Variants in ITFG1 observed in about 807,000 individuals in gnomAD.
The protein encoded by ITFG1 is T-cell immunomodulatory protein.
ITFG1 carries 34 observed loss-of-function variants against 81.8 expected under a neutral mutation model. The ratio of observed to expected loss-of-function variants is 0.42; its 90% CI spans 0.32 to 0.55. The LOEUF is 0.55. ITFG1 is among the 20% of genes least tolerant of loss of function. The pLI is 0.17. For synonymous variants in ITFG1, 285 were observed against 270.6 expected (o/e 1.05, Z -0.52); for missense variants, 672 against 755.4 (o/e 0.89, Z 1.29).
intron 8 of ITFG1, among the ~76,000 whole-genome samples, chr16:47,324,738 G>C (rs1207766241): frequency 6.6e-6 from 1 of 152,104 alleles, no homozygotes; most frequent in East Asian, 1.9e-4. Flanking sequence ...AGACAAAGAA[G>C]GCCACTACAT....
At chr16:47,346,897 A>C (rs1967863114) in intron 8 of ITFG1, among the ~76,000 whole-genome samples, 1 of 152,232 alleles carries the variant, frequency 6.6e-6, no homozygotes, top group African/African-American at 2.4e-5. Flanking sequence ...GAATTCTTAC[A>C]AACTTATTCT....
rs922725516 is a variant in ITFG1 at position 47,419,297 on chromosome 16, C to G, written c.655+9507G>C. On this transcript the variant is annotated intron_variant, in intron 6 of 17. Transcript: ENST00000320640. ...CTTAATTTTTTTTTTGAGACAGGGT[C>G]TCACTCTGTCACTCAGGCTAAAGTG... Among the ~76,000 whole-genome samples, 4 of 151,902 alleles carry G rather than the reference C, an allele frequency of 2.6e-5. No individual in the cohort carries two copies. The East Asian group carries it at 5.8e-4, about 22-fold the overall frequency.
At chr16:47,400,024 AT>A (rs968679705) in intron 6 of ITFG1, among the ~76,000 whole-genome samples, 5 of 152,288 alleles carry the variant, frequency 3.3e-5, no homozygotes, top group African/African-American at 1.2e-4. Flanking sequence ...GTGTTCTCTC[AT>A]TTGATTCCTC....
At chr16:47,291,218 T>C (rs1332645016) in intron 10 of ITFG1, among the ~76,000 whole-genome samples, 1 of 152,218 alleles carries the variant, frequency 6.6e-6, no homozygotes, top group Middle Eastern at 3.2e-3. Context: ...ATTTTTTCTT[T>C]CAGCACTTTG....
At chr16:47,280,430 G>A (rs955354902) in intron 10 of ITFG1, among the ~76,000 whole-genome samples, 1 of 152,070 alleles carries the variant, frequency 6.6e-6, no homozygotes, top group Non-Finnish European at 1.5e-5. Flanking sequence ...TTAAATAACT[G>A]TACATCCCTG....
At chr16:47,335,415 A>G (rs184921830) in intron 8 of ITFG1, among the ~76,000 whole-genome samples, 1 of 152,240 alleles carries the variant, frequency 6.6e-6, no homozygotes, top group African/African-American at 2.4e-5. Context: ...AAACAACAAA[A>G]AACCCTACTA....
intron 13 of ITFG1, among the ~76,000 whole-genome samples, chr16:47,222,919 G>A (rs1965711404): frequency 6.6e-6 from 1 of 152,104 alleles, no homozygotes; most frequent in African/African-American, 2.4e-5. Context: ...GTCTATTTAG[G>A]AAATAACGCC....
chr16:47,313,846 TC>T, intron 8 of ITFG1, 23 bp from the exon 9 acceptor site: 1 of 1,369,042 alleles, frequency 7.3e-7, no homozygotes, highest in Non-Finnish European at 1.0e-6. Flanking sequence ...ACTTCAAGAG[TC>T]CATTAATAGT....
intron 8 of ITFG1, among the ~76,000 whole-genome samples, chr16:47,353,807 A>T (rs938406572): frequency 3.3e-5 from 5 of 152,152 alleles, no homozygotes; most frequent in African/African-American, 1.2e-4. Flanking sequence ...TACAAAAAAA[A>T]TAAGATACTG....
At chr16:47,303,201 G>GT (rs1315112682) in intron 10 of ITFG1, among the ~76,000 whole-genome samples, 4 of 152,040 alleles carry the variant, frequency 2.6e-5, no homozygotes, top group Non-Finnish European at 4.4e-5. Flanking sequence ...AACCCAGGGG[G>GT]CGGAGCTTGC....
chr16:47,256,490 T>C (rs1372394155), intron 12 of ITFG1, among the ~76,000 whole-genome samples: 1 of 152,226 alleles, frequency 6.6e-6, no homozygotes, highest in Non-Finnish European at 1.5e-5. Flanking sequence ...AGGTGTCCAG[T>C]TGAAGAAGGA....
At chr16:47,164,053 T>C (rs960169445) in intron 14 of ITFG1, among the ~76,000 whole-genome samples, 5 of 152,136 alleles carry the variant, frequency 3.3e-5, no homozygotes, top group African/African-American at 7.2e-5. Context: ...TAGCCTACTT[T>C]CCTGTTTCTT....
chr16:47,296,878 T>C (rs1966990158), intron 10 of ITFG1, among the ~76,000 whole-genome samples: 1 of 152,242 alleles, frequency 6.6e-6, no homozygotes, highest in Non-Finnish European at 1.5e-5. Context: ...TTTTGGAGAA[T>C]GTTCCATGTT....
chr16:47,187,482 G>C (rs1491001931), intron 14 of ITFG1, among the ~76,000 whole-genome samples: 1 of 152,102 alleles, frequency 6.6e-6, no homozygotes, highest in Non-Finnish European at 1.5e-5. Context: ...TCTCATCTTT[G>C]ACAAACCTGA....
chr16:47,440,630 G>A (rs962888025), intron 5 of ITFG1, among the ~76,000 whole-genome samples: 5 of 152,010 alleles, frequency 3.3e-5, no homozygotes, highest in Non-Finnish European at 7.4e-5. Context: ...GATGTTCTTC[G>A]AAACCAACGA....
At chr16:47,184,026 A>G (rs1241751484) in intron 14 of ITFG1, among the ~76,000 whole-genome samples, 1 of 152,224 alleles carries the variant, frequency 6.6e-6, no homozygotes, top group African/African-American at 2.4e-5. Context: ...CAACTGGAAG[A>G]AAGGGTATCA....
intron 8 of ITFG1, among the ~76,000 whole-genome samples, chr16:47,327,642 A>G (rs1402557387): frequency 6.6e-6 from 1 of 152,208 alleles, no homozygotes; most frequent in Non-Finnish European, 1.5e-5. Context: ...AAAAACAAAC[A>G]ACCTCATCAA....
chr16:47,199,134 C>T (rs2151520013), intron 14 of ITFG1, among the ~76,000 whole-genome samples: 1 of 152,056 alleles, frequency 6.6e-6, no homozygotes, highest in South Asian at 2.1e-4. Context: ...ATTACCCGGG[C>T]ATCATGGCCC....
intron 1 of ITFG1, among the ~76,000 whole-genome samples, chr16:47,459,598 T>C (rs1443673649): frequency 6.6e-6 from 1 of 152,186 alleles, no homozygotes; most frequent in Non-Finnish European, 1.5e-5. Flanking sequence ...ATGCAGGGAC[T>C]CCCATTGTAG....
Sources: gnomAD v4.1 joint callset for allele counts (sites outside exome capture counted in the v4.1 genomes callset) on GRCh38, gnomAD v4.1.1 for gene constraint, MANE v1.5 for transcripts, NCBI Gene and HGNC (gene_info 2026-07-23, HGNC 2026-07-21) for gene names.